CMSS1: variants seen among roughly 807,000 people sequenced by gnomAD.
CMSS1 encodes protein CMSS1.
In CMSS1, 33 loss-of-function variants were observed where a neutral mutation model predicts 43.5. That is an observed-to-expected ratio of 0.76 (90% CI 0.57 to 1.01). The LOEUF (loss-of-function observed/expected upper bound fraction) is 1.01. Among genes scored for constraint, CMSS1 ranks in the 50% least tolerant of loss-of-function variants. The pLI, the probability that CMSS1 is intolerant of heterozygous loss-of-function variation, is 0.00. For synonymous variants in CMSS1, 115 were observed against 117.2 expected (o/e 0.98, Z 0.12); for missense variants, 313 against 326.4 (o/e 0.96, Z 0.32).
intron 1 of CMSS1, among the ~76,000 whole-genome samples, chr3:99,983,414 A>G (rs1240268580): frequency 2.1e-5 from 2 of 95,010 alleles, no homozygotes; most frequent in African/African-American, 8.2e-5. Flanking sequence ...ATATATATAT[A>G]TATATGTATG....
chr3:99,819,931 T>C (rs536716414), intron 1 of CMSS1, among the ~76,000 whole-genome samples: 1 of 151,810 alleles, frequency 6.6e-6, no homozygotes, highest in African/African-American at 2.4e-5. Flanking sequence ...ATTTTTGTAT[T>C]TTTAGTAGAG....
In CMSS1 at chr3:99,848,547, C is replaced by G. The variant is rs1232127977; in HGVS notation, c.64+30504C>G. ...AGCTATTGCTGTTTGAACGCTGAAACTGCCATGATGACTGCCGGTCTGGGG... is the reference window on the plus strand; with the variant it reads ...AGCTATTGCTGTTTGAACGCTGAAAGTGCCATGATGACTGCCGGTCTGGGG... On this transcript the variant is annotated intron_variant, in intron 1 of 9. Transcript: ENST00000421999. The G allele has an allele frequency of 9.9e-6, 16 of 1,614,072 alleles. No homozygotes were observed. Among genetic ancestry groups the G allele is most frequent in the Non-Finnish European group, 1.3e-5 (15 of 1,180,036 alleles).
intron 1 of CMSS1, among the ~76,000 whole-genome samples, chr3:99,936,959 C>T (rs571153396): frequency 2.0e-5 from 3 of 151,990 alleles, no homozygotes; most frequent in South Asian, 2.1e-4. Context: ...TTTTTTGAGA[C>T]GGAGTTTTGC....
intron 1 of CMSS1, among the ~76,000 whole-genome samples, chr3:99,910,898 A>G (rs1032116046): frequency 1.3e-5 from 2 of 152,150 alleles, no homozygotes; most frequent in Admixed American, 1.3e-4. Context: ...TATATTCTCT[A>G]AGTAAGGTTA....
intron 1 of CMSS1, among the ~76,000 whole-genome samples, chr3:100,015,077 C>T (rs943970436): frequency 6.0e-5 from 9 of 151,148 alleles, no homozygotes; most frequent in South Asian, 2.1e-4. Flanking sequence ...GTGTATTGTA[C>T]GAGATAAGGG....
Position 100,031,621 on chromosome 3 carries a change from C to CT in CMSS1, c.65-115343dup, listed in dbSNP as rs1321867547. Among the ~76,000 whole-genome samples the CT allele has an allele frequency of 2.6e-5, 4 of 151,340 alleles. No homozygotes were observed. In the East Asian group the frequency reaches 5.8e-4, roughly 22 times the overall value. ...CGCATCCCTTGGCTCCTCCTGTGTT[C>CT]TTTTTTTTTAACTAACGCATTCTCT... is the stretch of plus-strand genomic sequence containing the variant. On this transcript the variant is annotated intron_variant, in intron 1 of 9. Coordinates refer to ENST00000421999, the MANE Select transcript of CMSS1 (RefSeq NM_032359.4).
At chr3:99,942,187 C>A (rs936474586) in intron 1 of CMSS1, among the ~76,000 whole-genome samples, 3 of 150,756 alleles carry the variant, frequency 2.0e-5, no homozygotes, top group South Asian at 2.1e-4. Context: ...GGGTGAGAGA[C>A]CAAGACTCCA....
intron 1 of CMSS1, among the ~76,000 whole-genome samples, chr3:100,046,114 A>G (rs1156616363): frequency 6.6e-6 from 1 of 152,216 alleles, no homozygotes; most frequent in Non-Finnish European, 1.5e-5. Flanking sequence ...GTTTTCCCCC[A>G]AGGCTTCACA....
chr3:100,145,663 G>C (rs2066843727), intron 1 of CMSS1, among the ~76,000 whole-genome samples: 2 of 152,312 alleles, frequency 1.3e-5, no homozygotes, highest in South Asian at 4.1e-4. Context: ...TAGAACTAGA[G>C]AAGATGATGC....
intron 1 of CMSS1, among the ~76,000 whole-genome samples, chr3:100,003,986 A>G (rs986151851): frequency 3.9e-5 from 6 of 152,120 alleles, no homozygotes; most frequent in African/African-American, 1.4e-4. Context: ...TGGACGGTGT[A>G]TATTGATTTT....
intron 1 of CMSS1, among the ~76,000 whole-genome samples, chr3:99,873,599 ATTC>A (rs1008660941): frequency 6.6e-6 from 1 of 152,176 alleles, no homozygotes; most frequent in Non-Finnish European, 1.5e-5. Flanking sequence ...TTGGAATCTT[ATTC>A]TTCCTCCTAC....
intron 1 of CMSS1, among the ~76,000 whole-genome samples, chr3:100,135,574 G>A (rs1444336475): frequency 1.3e-5 from 2 of 151,700 alleles, no homozygotes; most frequent in East Asian, 3.9e-4. Context: ...GAACTCCTCA[G>A]CTCAAGTGAT....
chr3:100,119,981 T>C (rs982768898), intron 1 of CMSS1, among the ~76,000 whole-genome samples: 17 of 152,226 alleles, frequency 1.1e-4, no homozygotes, highest in Non-Finnish European at 1.9e-4. Context: ...TGCCTACCTA[T>C]AGGCAGTGTT....
intron 1 of CMSS1, among the ~76,000 whole-genome samples, chr3:99,896,176 G>A (rs983313211): frequency 3.9e-5 from 6 of 152,146 alleles, no homozygotes; most frequent in South Asian, 2.1e-4. Flanking sequence ...GCTCCATTCC[G>A]TCTGCTATTT....
intron 1 of CMSS1, among the ~76,000 whole-genome samples, chr3:100,036,365 C>T (rs2065108202): frequency 6.6e-6 from 1 of 152,048 alleles, no homozygotes; most frequent in African/African-American, 2.4e-5. Flanking sequence ...TAGGAAGTCT[C>T]AAAAAATGAT....
chr3:100,067,428 G>A (rs1229516909), intron 1 of CMSS1, among the ~76,000 whole-genome samples: 1 of 152,148 alleles, frequency 6.6e-6, no homozygotes, highest in Non-Finnish European at 1.5e-5. Flanking sequence ...TGGAATGTCT[G>A]TTGAATCCCT....
chr3:100,069,331 T>A (rs1309757195), intron 1 of CMSS1, among the ~76,000 whole-genome samples: 1 of 152,046 alleles, frequency 6.6e-6, no homozygotes, highest in Non-Finnish European at 1.5e-5. Flanking sequence ...AAAAGATCTA[T>A]TAATTTCTTG....
chr3:99,915,453 A>G (rs547089241), intron 1 of CMSS1, among the ~76,000 whole-genome samples: 1 of 152,292 alleles, frequency 6.6e-6, no homozygotes, highest in South Asian at 2.1e-4. Flanking sequence ...AGGATTTTTG[A>G]CAGTGGCAAG....
At chr3:100,132,605 G>A (rs533673887) in intron 1 of CMSS1, among the ~76,000 whole-genome samples, 3 of 152,060 alleles carry the variant, frequency 2.0e-5, no homozygotes, top group South Asian at 2.1e-4. Flanking sequence ...AGATCACAAA[G>A]TCAGGAGATC....
Sources: allele counts gnomAD v4.1 joint callset (sites outside exome capture counted in the v4.1 genomes callset), GRCh38; gene constraint gnomAD v4.1.1; transcripts MANE v1.5; gene names NCBI Gene and HGNC (gene_info 2026-07-23, HGNC 2026-07-21).